The following TLE1 variants were observed in gnomAD, a reference collection of about 807,000 sequenced individuals.
The protein encoded by TLE1 is transducin-like enhancer protein 1.
In TLE1, 21 loss-of-function variants were observed where a neutral mutation model predicts 89.8. The observed-to-expected ratio is 0.23, with a 90% CI of 0.17 to 0.34. The LOEUF (loss-of-function observed/expected upper bound fraction) is 0.34, where lower values mean the gene tolerates loss of function less well. Among genes scored for constraint, TLE1 ranks in the 10% least tolerant of loss-of-function variants. The probability of loss-of-function intolerance (pLI) is 1.00; values close to 1 mark genes in which losing one functional copy is unlikely to be tolerated. For synonymous variants in TLE1, 447 were observed against 407.6 expected, an observed-to-expected ratio of 1.10 and a Z score of -1.16; for missense variants, 795 against 1,031.2, an observed-to-expected ratio of 0.77 and a Z score of 3.14.
At chr9:81,664,479 TTAAATC>T (rs1473551862) in intron 4 of TLE1, among the ~76,000 whole-genome samples, 5 of 152,368 alleles carry the variant, frequency 3.3e-5, no homozygotes, top group African/African-American at 7.2e-5. Context: ...AAATTCATCT[TTAAATC>T]TAATGTGTCT....
At chr9:81,671,019 T>G (rs1437947553) in intron 4 of TLE1, among the ~76,000 whole-genome samples, 1 of 150,960 alleles carries the variant, frequency 6.6e-6, no homozygotes, top group Admixed American at 6.6e-5. Context: ...AAATCCAAAA[T>G]TAGCTAGGCA....
At chr9:81,623,616 T>TAAA (rs1563985629) in intron 8 of TLE1, among the ~76,000 whole-genome samples, 5 of 84,376 alleles carry the variant, frequency 5.9e-5, no homozygotes, top group African/African-American at 2.2e-4. Flanking sequence ...CCATCTGTAC[T>TAAA]TAAAAAAAAA....
Position 81,687,442 on chromosome 9 carries a change from C to A in TLE1, c.25-8G>T. The A allele has an allele frequency of 6.2e-7, 1 of 1,604,354 alleles. No individual in the cohort carries two copies. Among genetic ancestry groups the A allele is most frequent in the Admixed American group, 1.7e-5 (1 of 58,784 alleles). The stretch of plus-strand genomic sequence containing the variant: ...TGCAGCCTGGTGCGGCGTCTGGGGG[C>A]GACCAGCGAGGGGGACCGAGGGACG... On this transcript the variant is annotated splice_region_variant and splice_polypyrimidine_tract_variant and intron_variant, in intron 1 of 19. Coordinates refer to ENST00000376499, the MANE Select transcript of TLE1 (RefSeq NM_005077.5).
chr9:81,644,161 C>G (rs934615124), intron 6 of TLE1, among the ~76,000 whole-genome samples: 1 of 152,108 alleles, frequency 6.6e-6, no homozygotes, highest in Non-Finnish European at 1.5e-5. Context: ...AATGATGCAG[C>G]CGCTTTGGAA....
intron 16 of TLE1, among the ~76,000 whole-genome samples, chr9:81,590,294 C>T (rs1236098420): frequency 6.6e-6 from 1 of 152,154 alleles, no homozygotes; most frequent in African/African-American, 2.4e-5. Context: ...CCTGCGGGCT[C>T]CTGGGTGGAA....
chr9:81,685,321 C>CA (rs936978402), intron 4 of TLE1, among the ~76,000 whole-genome samples: 1 of 152,106 alleles, frequency 6.6e-6, no homozygotes, highest in Non-Finnish European at 1.5e-5. Context: ...CAAAACAGCA[C>CA]AAAAACATTA....
chr9:81,651,846 AG>A (rs1017299149), intron 6 of TLE1, among the ~76,000 whole-genome samples: 1 of 152,074 alleles, frequency 6.6e-6, no homozygotes, highest in Non-Finnish European at 1.5e-5. Flanking sequence ...GGGACGGGCA[AG>A]GGGGTGCCTG....
At chr9:81,610,424 T>G in intron 13 of TLE1, 128 bp from the exon 14 acceptor site, 1 of 704,394 alleles carries the variant, frequency 1.4e-6, no homozygotes, top group Non-Finnish European at 2.4e-6. Flanking sequence ...CATGGCCTAG[T>G]GTTTTTCTTT....
chr9:81,607,021 T>C (rs815848), intron 14 of TLE1, among the ~76,000 whole-genome samples: 125,713 of 150,082 alleles, frequency 0.84, 53,110 homozygotes, highest in African/African-American at 0.96. Flanking sequence ...CCCAGGAGTT[T>C]GAAACCAGCC....
chr9:81,588,667 G>A (rs1828994728), intron 16 of TLE1, among the ~76,000 whole-genome samples: 1 of 152,218 alleles, frequency 6.6e-6, no homozygotes, highest in South Asian at 2.1e-4. Context: ...CTGCTGAGGG[G>A]AGGTCAGTGT....
At chr9:81,596,257 G>C (rs188714716) in intron 14 of TLE1, among the ~76,000 whole-genome samples, 3 of 152,140 alleles carry the variant, frequency 2.0e-5, no homozygotes, top group Admixed American at 6.5e-5. Flanking sequence ...ACAATGCAGC[G>C]AGCTGCTGTC....
chr9:81,687,781 C>G (rs755874746), intron 1 of TLE1, among the ~76,000 whole-genome samples: 1 of 152,050 alleles, frequency 6.6e-6, no homozygotes, highest in African/African-American at 2.4e-5. Flanking sequence ...CGATAATGAC[C>G]CCGGGGACCA....
intron 6 of TLE1, among the ~76,000 whole-genome samples, chr9:81,645,394 A>C (rs922134372): frequency 6.7e-6 from 1 of 149,574 alleles, no homozygotes; most frequent in Non-Finnish European, 1.5e-5. Context: ...AGTAATAATA[A>C]TTCAATTGTA....
chr9:81,687,151 CAA>C (rs1834392504), intron 2 of TLE1, among the ~76,000 whole-genome samples, 181 bp downstream of exon 2: 1 of 152,196 alleles, frequency 6.6e-6, no homozygotes, highest in African/African-American at 2.4e-5. Flanking sequence ...GAGGAGGAGA[CAA>C]GAGAAGAGGC....
intron 16 of TLE1, 117 bp from the exon 17 acceptor site, chr9:81,587,945 T>TGTGA (rs970198868): frequency 3.4e-6 from 4 of 1,192,878 alleles, no homozygotes; most frequent in Admixed American, 5.0e-5. Flanking sequence ...TGTGTGTGTG[T>TGTGA]GATCCCGCCA....
intron 4 of TLE1, among the ~76,000 whole-genome samples, chr9:81,661,628 G>T (rs906516671): frequency 6.6e-6 from 1 of 152,146 alleles, no homozygotes; most frequent in African/African-American, 2.4e-5. Flanking sequence ...TGGAGTGTTG[G>T]TAAGAAGTGT....
At chr9:81,586,781 G>C (rs943015545) in intron 17 of TLE1, among the ~76,000 whole-genome samples, 1 of 152,090 alleles carries the variant, frequency 6.6e-6, no homozygotes, top group South Asian at 2.1e-4. Flanking sequence ...ATTTCTCTAA[G>C]AAGTTTTAAA....
At chr9:81,625,642 A>AT (rs1405103899) in intron 8 of TLE1, among the ~76,000 whole-genome samples, 7 of 152,142 alleles carry the variant, frequency 4.6e-5, no homozygotes, top group African/African-American at 1.7e-4. Flanking sequence ...GGTTGACTGA[A>AT]CCTCAGAGAG....
intron 4 of TLE1, among the ~76,000 whole-genome samples, chr9:81,658,874 G>A (rs986349062): frequency 1.3e-5 from 2 of 151,942 alleles, no homozygotes; most frequent in Non-Finnish European, 2.9e-5. Flanking sequence ...AACAAGTCTC[G>A]TAGTGACTTT....
Sources: gnomAD v4.1 joint callset for allele counts (sites outside exome capture counted in the v4.1 genomes callset) on GRCh38, gnomAD v4.1.1 for gene constraint, MANE v1.5 for transcripts, NCBI Gene and HGNC (gene_info 2026-07-23, HGNC 2026-07-21) for gene names.